Variants in ZNF875 observed in about 807,000 individuals in gnomAD.
The protein encoded by ZNF875 is zinc finger protein 875, also known as HKR1, GLI-Kruppel zinc finger family member.
ZNF875 carries 14 observed loss-of-function variants against 11.2 expected under a neutral mutation model. The ratio of observed to expected loss-of-function variants is 1.26; its 90% CI spans 0.83 to 1.96. The LOEUF (loss-of-function observed/expected upper bound fraction) is 1.96, where lower values mean the gene tolerates loss of function less well. Ranked by LOEUF, ZNF875 falls within the 30% of genes most tolerant of loss-of-function variation. The pLI, the probability that ZNF875 is intolerant of heterozygous loss-of-function variation, is 0.00. For missense variants in ZNF875, 752 were observed against 760.4 expected (o/e 0.99, Z 0.13); for synonymous variants, 301 against 281.1 (o/e 1.07, Z -0.71).
intron 1 of ZNF875, among the ~76,000 whole-genome samples, chr19:37,320,952 T>TGTC (rs1568559962): frequency 6.6e-6 from 1 of 152,106 alleles, no homozygotes. Context: ...CGTACTCTGT[T>TGTC]GGCTCAAGGT....
intron 4 of ZNF875, among the ~76,000 whole-genome samples, chr19:37,348,177 G>GTTAA (rs1451657536): frequency 6.6e-6 from 1 of 152,118 alleles, no homozygotes; most frequent in Non-Finnish European, 1.5e-5. Context: ...ACCCATGAAT[G>GTTAA]TTAAGTCTAC....
intron 2 of ZNF875, among the ~76,000 whole-genome samples, chr19:37,343,114 G>A (rs560504969): frequency 5.3e-5 from 8 of 152,166 alleles, no homozygotes; most frequent in Admixed American, 2.0e-4. Flanking sequence ...CGAGGCGGGC[G>A]GATCATGAGG....
chr19:37,329,975 G>T (rs1213721224), upstream of ZNF875, among the ~76,000 whole-genome samples: 1 of 151,954 alleles, frequency 6.6e-6, no homozygotes. Context: ...GTCTTTCTAA[G>T]GGCAGATTGT....
intron 4 of ZNF875, among the ~76,000 whole-genome samples, chr19:37,352,874 CTTTT>C (rs60469285): frequency 5.7e-5 from 5 of 87,752 alleles, no homozygotes; most frequent in Admixed American, 1.2e-4. Flanking sequence ...ATTCTTTTTT[CTTTT>C]TTTTTTTTTT....
intron 2 of ZNF875, among the ~76,000 whole-genome samples, chr19:37,342,947 T>TCCAGGAAAA (rs2036033185): frequency 6.6e-6 from 1 of 152,236 alleles, no homozygotes; most frequent in South Asian, 2.1e-4. Context: ...TTTCCAAGCC[T>TCCAGGAAAA]CTGCCCATGT....
At chr19:37,321,617 T>G (rs1254309199) in intron 1 of ZNF875, among the ~76,000 whole-genome samples, 1 of 152,160 alleles carries the variant, frequency 6.6e-6, no homozygotes, top group East Asian at 1.9e-4. Context: ...CTCTTTCTTT[T>G]CTCAGTTTCC....
upstream of ZNF875, among the ~76,000 whole-genome samples, chr19:37,333,625 G>A (rs549556426): frequency 1.3e-5 from 2 of 152,162 alleles, no homozygotes; most frequent in Non-Finnish European, 2.9e-5. Flanking sequence ...GGATGGTTAC[G>A]AGGAAATTGT....
upstream of ZNF875, among the ~76,000 whole-genome samples, chr19:37,313,719 CTG>C (rs1166660751): frequency 1.3e-5 from 2 of 148,394 alleles, no homozygotes; most frequent in Non-Finnish European, 3.0e-5. Context: ...TCATGGGAGA[CTG>C]TGTTGACCAT....
At chr19:37,329,774 A>C (rs531955230), upstream of ZNF875, among the ~76,000 whole-genome samples, 1 of 152,142 alleles carries the variant, frequency 6.6e-6, no homozygotes, top group Non-Finnish European at 1.5e-5. Flanking sequence ...AGTGGACTAC[A>C]GTGTGGTACC....
chr19:37,333,053 C>G (rs546139187), upstream of ZNF875, among the ~76,000 whole-genome samples: 140 of 152,234 alleles, frequency 9.2e-4, no homozygotes, highest in African/African-American at 3.3e-3. Flanking sequence ...TTCATTCTGC[C>G]CCTTTCACTG....
Position 37,334,740 on chromosome 19 carries a change from C to A in ZNF875, c.-99C>A. 2.2e-6 allele frequency: 1 copy of A among 456,188 alleles called. No individual in the cohort carries two copies. The highest frequency in any genetic ancestry group is 1.5e-5 in the South Asian group (1 of 64,562). 28.3% of individuals were successfully genotyped at this position (456,188 alleles called of 1,614,324 possible). On this transcript the variant is annotated 5_prime_UTR_variant, in exon 1 of 5. Coordinates refer to ENST00000392153, the MANE Select transcript of ZNF875 (RefSeq NM_001353803.2). ...TTTCCCACACCTCTGCACCTTGTTA[C>A]CTGACTTTCGGCTTCAGGATCCGCA...
chr19:37,354,517 T>C (rs2038558370), intron 4 of ZNF875, among the ~76,000 whole-genome samples: 1 of 151,938 alleles, frequency 6.6e-6, no homozygotes, highest in Admixed American at 6.6e-5. Flanking sequence ...TTAGTGGGCT[T>C]CCTCATACTT....
chr19:37,362,564 G>A lies in ZNF875; in HGVS notation c.712G>A (p.Glu238Lys), dbSNP rs2040117919. Residue 238 changes from glutamate to lysine, a missense_variant, in exon 5 of 5, where the codon GAG (glutamate) becomes AAG (lysine). By Grantham distance (56) the Glu-to-Lys change is moderately conservative. Coordinates refer to ENST00000392153, the MANE Select transcript of ZNF875 (RefSeq NM_001353803.2). ...AGAGTTTGGGCCAGGCTTTATCAAG[G>A]AGTCAAACCTCCTTAGCCTCCAGAA... ...YEEFGPGFIKESNLLSLQKTQ... is the reference protein window; with the variant it reads ...YEEFGPGFIKKSNLLSLQKTQ... 5 of 1,614,176 alleles carry A rather than the reference G, an allele frequency of 3.1e-6. No homozygotes were observed. The highest frequency in any genetic ancestry group is 4.2e-6 in the Non-Finnish European group (5 of 1,180,038).
intron 1 of ZNF875, among the ~76,000 whole-genome samples, chr19:37,320,435 A>G (rs1202700139): frequency 4.6e-5 from 7 of 152,230 alleles, no homozygotes; most frequent in African/African-American, 1.7e-4. Flanking sequence ...GTTCCCAGTG[A>G]TGATGTGCTA....
At chr19:37,350,866 G>A (rs1199504464) in intron 4 of ZNF875, among the ~76,000 whole-genome samples, 3 of 139,082 alleles carry the variant, frequency 2.2e-5, no homozygotes, top group Non-Finnish European at 4.5e-5. Flanking sequence ...GTGCAGTGGT[G>A]CAATCCCAGC....
upstream of ZNF875, among the ~76,000 whole-genome samples, chr19:37,334,344 A>G (rs1043510196): frequency 6.6e-6 from 1 of 152,236 alleles, no homozygotes; most frequent in Non-Finnish European, 1.5e-5. Flanking sequence ...CTTGAAGGTC[A>G]GCGCACACTG....
intron 4 of ZNF875, among the ~76,000 whole-genome samples, chr19:37,360,809 T>C (rs1197987406): frequency 2.0e-5 from 3 of 152,178 alleles, no homozygotes; most frequent in Non-Finnish European, 4.4e-5. Flanking sequence ...ATTTTCAGTT[T>C]ACAAACTTTG....
chr19:37,329,278 G>A (rs2033017233), intron 4 of ZNF875, among the ~76,000 whole-genome samples: 1 of 152,058 alleles, frequency 6.6e-6, no homozygotes, highest in Non-Finnish European at 1.5e-5. Flanking sequence ...ACCCAGCTTG[G>A]GTATCTGGTG....
intron 4 of ZNF875, among the ~76,000 whole-genome samples, chr19:37,328,217 T>A (rs1040249455): frequency 6.6e-6 from 1 of 151,956 alleles, no homozygotes; most frequent in African/African-American, 2.4e-5. Context: ...CCAGCCTGGT[T>A]AACAAAAGCA....
Sources: gnomAD v4.1 joint callset for allele counts (sites outside exome capture counted in the v4.1 genomes callset) on GRCh38, gnomAD v4.1.1 for gene constraint, MANE v1.5 for transcripts, NCBI Gene and HGNC (gene_info 2026-07-23, HGNC 2026-07-21) for gene names.